Variants in PMFBP1 observed in about 807,000 individuals in gnomAD.
The protein encoded by PMFBP1 is polyamine modulated factor 1 binding protein 1.
In PMFBP1, 131 loss-of-function variants were observed where a neutral mutation model predicts 137.8. That is an observed-to-expected ratio of 0.95 (90% confidence interval 0.82 to 1.10). The LOEUF is 1.10. PMFBP1 is among the 50% of genes least tolerant of loss of function. The pLI is 0.00. For missense variants in PMFBP1, 1,199 were observed against 1,175.4 expected (o/e 1.02, Z -0.29); for synonymous variants, 490 against 450.4 (o/e 1.09, Z -1.11).
chr16:72,170,638 C>T (rs928583664), intron 2 of PMFBP1, among the ~76,000 whole-genome samples: 2 of 151,986 alleles, frequency 1.3e-5, no homozygotes, highest in African/African-American at 4.8e-5. Flanking sequence ...TACCATGTTG[C>T]CCAGGCTGGT....
Position 72,126,000 on chromosome 16 carries a change from A to T in PMFBP1, c.2221T>A (p.Cys741Ser). 6.2e-7 allele frequency: 1 copy of T among 1,614,216 alleles called. No homozygotes were observed. The highest frequency in any genetic ancestry group is 8.5e-7 in the Non-Finnish European group (1 of 1,180,032). The change falls in exon 15 of 21, where the codon TGC (cysteine) becomes AGC (serine). Residue 741 changes from cysteine to serine, a missense_variant. Cys to Ser is a moderately radical substitution (Grantham distance 112). Transcript: ENST00000237353. Reference sequence around the variant, plus strand: ...AGGGCTTGTGTCAGGTCATCCTGGCAGGCGGCTGACTTCCGGGATAATGCA... The same window carrying T: ...AGGGCTTGTGTCAGGTCATCCTGGCTGGCGGCTGACTTCCGGGATAATGCA... Reference protein sequence around the residue: ...YDALSRKSAACQDDLTQALEK... With the variant: ...YDALSRKSAASQDDLTQALEK...
chr16:72,217,008 A>G, the PMFBP1 span, among the ~76,000 whole-genome samples: 1 of 152,206 alleles, frequency 6.6e-6, no homozygotes, highest in East Asian at 1.9e-4. Flanking sequence ...AGCTGGAATG[A>G]AGTGACTGGA....
chr16:72,120,542 G>A (rs997663601), intron 19 of PMFBP1, among the ~76,000 whole-genome samples: 11 of 152,128 alleles, frequency 7.2e-5, no homozygotes, highest in Non-Finnish European at 1.5e-4. Context: ...CATTCTCTCC[G>A]CTCCCCTTTG....
chr16:72,210,435 C>T, the PMFBP1 span, among the ~76,000 whole-genome samples: 1 of 152,146 alleles, frequency 6.6e-6, no homozygotes, highest in African/African-American at 2.4e-5. Flanking sequence ...GCTTATGCTT[C>T]CTGTCCTGTC....
the PMFBP1 span, among the ~76,000 whole-genome samples, chr16:72,222,445 T>C: frequency 6.6e-6 from 1 of 152,208 alleles, no homozygotes; most frequent in South Asian, 2.1e-4. Context: ...GCTTGCAATA[T>C]GCCAAGCATG....
the PMFBP1 span, among the ~76,000 whole-genome samples, chr16:72,190,224 T>C: frequency 2.0e-5 from 3 of 152,312 alleles, no homozygotes; most frequent in East Asian, 3.9e-4. Flanking sequence ...ATTCAGTCTC[T>C]GAGCAAGGAG....
intron 4 of PMFBP1, among the ~76,000 whole-genome samples, chr16:72,153,253 A>G (rs2042930061): frequency 6.6e-6 from 1 of 151,914 alleles, no homozygotes; most frequent in African/African-American, 2.4e-5. Flanking sequence ...TGTTCCTCCC[A>G]CTCTTAATTC....
the PMFBP1 span, among the ~76,000 whole-genome samples, chr16:72,237,875 C>G: frequency 6.6e-6 from 1 of 152,130 alleles, no homozygotes; most frequent in Non-Finnish European, 1.5e-5. Context: ...TTAGATCCCA[C>G]TTATAAGTGA....
rs2042409443 is a variant in PMFBP1 at position 72,123,605 on chromosome 16, C to G, written c.2634G>C (p.Arg878Ser). The change falls in exon 18 of 21, where the codon AGG (arginine) becomes AGC (serine). Residue 878 changes from arginine (R) to serine (S), a missense_variant. By Grantham distance (110) the Arg-to-Ser change is moderately radical. Transcript: ENST00000237353. The part of the protein sequence containing the change: ...PQWSVPKDTC[R>S]LYRGNDQIMT... ...TAATCTGATCATTCCCTCGGTAGAG[C>G]CTACAGGTGTCTTTGGGCACAGACC... is the stretch of plus-strand genomic sequence containing the variant. 2 of 1,614,154 alleles carry G rather than the reference C, an allele frequency of 1.2e-6. No homozygotes were observed. Among genetic ancestry groups the G allele is most frequent in the Non-Finnish European group, 1.7e-6 (2 of 1,179,998 alleles).
At chr16:72,246,021 C>G in the PMFBP1 span, among the ~76,000 whole-genome samples, 1 of 152,134 alleles carries the variant, frequency 6.6e-6, no homozygotes, top group Non-Finnish European at 1.5e-5. Context: ...ACAGTCTACT[C>G]TGGATAGTGT....
At chr16:72,136,122 C>A (rs563215842) in intron 9 of PMFBP1, among the ~76,000 whole-genome samples, 3 of 152,174 alleles carry the variant, frequency 2.0e-5, no homozygotes, top group South Asian at 2.1e-4. Context: ...TATTTTATAT[C>A]ATTTCCTTCC....
the PMFBP1 span, among the ~76,000 whole-genome samples, chr16:72,244,613 A>C: frequency 6.6e-6 from 1 of 152,208 alleles, no homozygotes; most frequent in Non-Finnish European, 1.5e-5. Flanking sequence ...ACAAAGGGCC[A>C]CATCTAAAGA....
chr16:72,237,009 A>G, the PMFBP1 span, among the ~76,000 whole-genome samples: 1 of 152,186 alleles, frequency 6.6e-6, no homozygotes, highest in Non-Finnish European at 1.5e-5. Context: ...TTCAAACTCA[A>G]AACACTGGAT....
intron 2 of PMFBP1, among the ~76,000 whole-genome samples, chr16:72,169,353 G>A (rs1173670146): frequency 6.6e-6 from 1 of 152,158 alleles, no homozygotes; most frequent in Non-Finnish European, 1.5e-5. Flanking sequence ...GTTATCTACA[G>A]TAATTTTAAA....
the PMFBP1 span, among the ~76,000 whole-genome samples, chr16:72,206,745 AACGT>A: frequency 8.5e-5 from 13 of 152,174 alleles, no homozygotes; most frequent in Non-Finnish European, 7.3e-5. Flanking sequence ...AGCTGAACTC[AACGT>A]GCCAACGATT....
chr16:72,137,054 T>C (rs1256292414), intron 7 of PMFBP1, among the ~76,000 whole-genome samples: 3 of 152,204 alleles, frequency 2.0e-5, no homozygotes, highest in Non-Finnish European at 4.4e-5. Context: ...CTTGTGAATA[T>C]ACTAAAAACC....
At chr16:72,179,095 C>G (rs1172628281), upstream of PMFBP1, among the ~76,000 whole-genome samples, 1 of 152,180 alleles carries the variant, frequency 6.6e-6, no homozygotes, top group African/African-American at 2.4e-5. Context: ...CCTCCTCCAC[C>G]TTCTCCCAGG....
chr16:72,130,886 A>C (rs2042540468), intron 10 of PMFBP1, among the ~76,000 whole-genome samples, 164 bp from the exon 11 acceptor site: 1 of 151,972 alleles, frequency 6.6e-6, no homozygotes, highest in African/African-American at 2.4e-5. Flanking sequence ...AGCTCTATTA[A>C]ATTATCTGTC....
intron 2 of PMFBP1, among the ~76,000 whole-genome samples, chr16:72,169,674 AACAC>A (rs34867741): frequency 6.2e-4 from 93 of 150,358 alleles, no homozygotes; most frequent in East Asian, 2.0e-3. Context: ...AAGAAAGATA[AACAC>A]ACACACACAC....
Sources: allele counts gnomAD v4.1 joint callset (sites outside exome capture counted in the v4.1 genomes callset), GRCh38; gene constraint gnomAD v4.1.1; transcripts MANE v1.5; gene names NCBI Gene and HGNC (gene_info 2026-07-23, HGNC 2026-07-21).